Variants in CSMD1 observed in about 807,000 individuals in gnomAD.
CSMD1 encodes the protein CUB and sushi domain-containing protein 1.
In CSMD1, 213 loss-of-function variants were observed where a neutral mutation model predicts 417.5. The ratio of observed to expected loss-of-function variants is 0.51; its 90% CI spans 0.46 to 0.57. The LOEUF is 0.57. Ranked by LOEUF, CSMD1 falls within the 20% of genes least tolerant of loss-of-function variation. The pLI, the probability that CSMD1 is intolerant of heterozygous loss-of-function variation, is 0.00. For synonymous variants in CSMD1, 2,862 were observed against 1,736.8 expected, an observed-to-expected ratio of 1.65 and a Z score of -16.11; for missense variants, 6,923 against 4,529.7, an observed-to-expected ratio of 1.53 and a Z score of -15.17.
At chr8:4,276,703 T>C (rs1251295046) in intron 3 of CSMD1, among the ~76,000 whole-genome samples, 2 of 152,204 alleles carry the variant, frequency 1.3e-5, no homozygotes, top group Non-Finnish European at 2.9e-5. Flanking sequence ...TTAGTTCCAG[T>C]GGGATCCCAA....
chr8:4,354,253 G>C (rs952092260), intron 3 of CSMD1, among the ~76,000 whole-genome samples: 3 of 152,112 alleles, frequency 2.0e-5, no homozygotes, highest in Admixed American at 1.3e-4. Flanking sequence ...CAACATTGTA[G>C]ATCACGGTGT....
intron 5 of CSMD1, among the ~76,000 whole-genome samples, chr8:3,928,043 T>C (rs936767345): frequency 2.6e-5 from 4 of 152,150 alleles, no homozygotes; most frequent in East Asian, 3.9e-4. Context: ...ATAGCATCAA[T>C]TTTTTTCTTA....
At chr8:4,148,181 G>A (rs76883664) in intron 3 of CSMD1, among the ~76,000 whole-genome samples, 6,607 of 152,122 alleles carry the variant, frequency 0.043, 387 homozygotes, top group East Asian at 0.25. Context: ...AGTCAGCTGG[G>A]ACCACTATAA....
At chr8:4,182,066 C>A (rs1241075843) in intron 3 of CSMD1, among the ~76,000 whole-genome samples, 1 of 150,080 alleles carries the variant, frequency 6.7e-6, no homozygotes, top group East Asian at 2.0e-4. Context: ...GTGTGTATAC[C>A]TAAATTAGGT....
intron 3 of CSMD1, among the ~76,000 whole-genome samples, chr8:4,086,867 AAG>A (rs1220452869): frequency 2.6e-4 from 40 of 152,344 alleles, no homozygotes; most frequent in African/African-American, 9.6e-4. Flanking sequence ...CTGGTAGCAT[AAG>A]AGAGTAAACT....
chr8:4,229,768 A>C (rs1481205204), intron 3 of CSMD1, among the ~76,000 whole-genome samples: 1 of 151,998 alleles, frequency 6.6e-6, no homozygotes, highest in African/African-American at 2.4e-5. Context: ...TCACAATGCG[A>C]CCCACTAAGT....
At chr8:3,081,379 G>A (rs1358669685) in intron 49 of CSMD1, among the ~76,000 whole-genome samples, 2 of 152,076 alleles carry the variant, frequency 1.3e-5, no homozygotes, top group African/African-American at 4.8e-5. Flanking sequence ...GTCAACTCAA[G>A]GATGAATGTA....
chr8:4,417,973 A>G (rs1236406466), intron 3 of CSMD1, among the ~76,000 whole-genome samples: 1 of 151,818 alleles, frequency 6.6e-6, no homozygotes, highest in Non-Finnish European at 1.5e-5. Context: ...ATCTTACCTT[A>G]CTCTTCCACT....
At chr8:3,627,111 A>G (rs1382159884) in intron 7 of CSMD1, among the ~76,000 whole-genome samples, 1 of 152,174 alleles carries the variant, frequency 6.6e-6, no homozygotes, top group South Asian at 2.1e-4. Flanking sequence ...TAACCTATCA[A>G]TAACTCCATT....
At chr8:4,267,843 T>C (rs1021078628) in intron 3 of CSMD1, among the ~76,000 whole-genome samples, 2 of 152,142 alleles carry the variant, frequency 1.3e-5, no homozygotes, top group Admixed American at 1.3e-4. Flanking sequence ...ATAATTTAGC[T>C]TGAATTATTG....
chr8:2,950,484 G>T, intron 66 of CSMD1, 141 bp from the exon 67 acceptor site: 2 of 606,424 alleles, frequency 3.3e-6, no homozygotes, highest in East Asian at 5.5e-5. Context: ...ATTTTTATTT[G>T]TGAATTTTAG....
At chr8:4,791,134 T>G (rs1415785341) in intron 1 of CSMD1, among the ~76,000 whole-genome samples, 4 of 146,020 alleles carry the variant, frequency 2.7e-5, no homozygotes, top group African/African-American at 2.6e-5. Flanking sequence ...GGGAGAAACT[T>G]TTAAGTGAGA....
chr8:3,505,916 C>G (rs946409059), intron 10 of CSMD1, among the ~76,000 whole-genome samples: 2 of 152,046 alleles, frequency 1.3e-5, no homozygotes, highest in African/African-American at 4.8e-5. Flanking sequence ...AGGTTCTTTA[C>G]AAATACACTA....
intron 9 of CSMD1, among the ~76,000 whole-genome samples, chr8:3,585,211 G>A (rs996201669): frequency 1.3e-5 from 2 of 152,114 alleles, no homozygotes; most frequent in African/African-American, 2.4e-5. Context: ...TGACGTGTTT[G>A]GTAACTAGTT....
At chr8:3,392,314 C>A (rs1350944675) in intron 17 of CSMD1, among the ~76,000 whole-genome samples, 1 of 151,832 alleles carries the variant, frequency 6.6e-6, no homozygotes, top group African/African-American at 2.4e-5. Flanking sequence ...AATAATAATT[C>A]TTGGGTCACA....
chr8:4,843,828 C>G (rs1238573616), intron 1 of CSMD1, among the ~76,000 whole-genome samples: 1 of 152,186 alleles, frequency 6.6e-6, no homozygotes, highest in East Asian at 1.9e-4. Context: ...AGTGGAAGCA[C>G]AGGAGAGCTG....
At chr8:3,598,477 T>G (rs1319886702) in intron 8 of CSMD1, among the ~76,000 whole-genome samples, 2 of 152,154 alleles carry the variant, frequency 1.3e-5, no homozygotes, top group Non-Finnish European at 2.9e-5. Flanking sequence ...GACCGCCCCA[T>G]AGGCTCAAGT....
At chr8:4,597,236 G>T (rs1260797745) in intron 2 of CSMD1, among the ~76,000 whole-genome samples, 1 of 152,034 alleles carries the variant, frequency 6.6e-6, no homozygotes, top group Non-Finnish European at 1.5e-5. Context: ...AATAACAATA[G>T]TGGTGATATA....
chr8:4,007,066 C>T (rs1816183775), intron 4 of CSMD1, among the ~76,000 whole-genome samples: 1 of 151,976 alleles, frequency 6.6e-6, no homozygotes, highest in African/African-American at 2.4e-5. Flanking sequence ...TCTCGATCTC[C>T]TCACTTCGTG....
Sources: allele counts gnomAD v4.1 joint callset (sites outside exome capture counted in the v4.1 genomes callset), GRCh38; gene constraint gnomAD v4.1.1; transcripts MANE v1.5; gene names NCBI Gene and HGNC (gene_info 2026-07-23, HGNC 2026-07-21).